Variants in WDR11 observed in about 807,000 individuals in gnomAD.
The protein encoded by WDR11 is WD repeat-containing protein 11.
WDR11 carries 83 observed loss-of-function variants against 151.2 expected under a neutral mutation model. The observed-to-expected ratio is 0.55, with a 90% CI of 0.46 to 0.66. The LOEUF is 0.66. Among genes scored for constraint, WDR11 ranks in the 30% least tolerant of loss-of-function variants. WDR11 has a pLI of 0.00. For synonymous variants in WDR11, 484 were observed against 533.1 expected (o/e 0.91, Z 1.27); for missense variants, 1,301 against 1,480.9 (o/e 0.88, Z 1.99).
At chr10:120,874,835 A>G (rs1026343202) in intron 11 of WDR11, among the ~76,000 whole-genome samples, 1 of 150,970 alleles carries the variant, frequency 6.6e-6, no homozygotes, top group African/African-American at 2.4e-5. Flanking sequence ...TCTGGGATAC[A>G]TGTGCAGAAT....
intron 13 of WDR11, among the ~76,000 whole-genome samples, chr10:120,881,913 A>G (rs1253040622): frequency 6.6e-6 from 1 of 151,074 alleles, no homozygotes; most frequent in Non-Finnish European, 1.5e-5. Flanking sequence ...ACGAGCTGAC[A>G]TCTTTGCTCT....
intron 1 of WDR11, chr10:120,852,196 A>G: frequency 2.9e-6 from 1 of 341,126 alleles, no homozygotes; most frequent in African/African-American, 2.1e-5. Flanking sequence ...CACATTGTGG[A>G]TACTAAGGAT....
chr10:120,904,738 C>T lies in WDR11; in HGVS notation c.3120C>T (p.Val1040=), dbSNP rs778608831. ...TGAAAGCCTGTTTAGTCACTACTGT[C>T]ACCTCGTCAGGCCCCTCTCAGAGCA... ...DSLKACLVTT[V]TSSGPSQSTI... is the part of the protein sequence containing the mutation. The change falls in exon 25 of 29, where the codon GTC becomes GTT. Residue 1040 remains valine, a synonymous_variant. Transcript: ENST00000263461. The T allele has an allele frequency of 3.1e-6, 5 of 1,614,162 alleles. No individual in the cohort carries two copies. In the African/African-American group the frequency reaches 4.0e-5, roughly 13 times the overall value.
Position 120,889,171 on chromosome 10 carries a change from G to A in WDR11, c.2215G>A (p.Gly739Ser), listed in dbSNP as rs1847330350. 1.2e-6 allele frequency: 2 copies of A among 1,607,070 alleles called. No individual in the cohort carries two copies. The highest frequency in any genetic ancestry group is 2.2e-5 in the East Asian group (1 of 44,832). ...DGNLNFWDLK[G>S]RVSRGIPTHR... ...AAATTTAAATTTCTGGGACTTGAAAGGCAGAGTATCCAGGTATAAGCCAAG... is the reference window on the plus strand; with the variant it reads ...AAATTTAAATTTCTGGGACTTGAAAAGCAGAGTATCCAGGTATAAGCCAAG... The change falls in exon 17 of 29, where the codon GGC becomes AGC. Residue 739 changes from glycine to serine, a missense_variant. Physicochemically the swap from Gly to Ser is moderately conservative, Grantham distance 56. Coordinates refer to ENST00000263461, the MANE Select transcript of WDR11 (RefSeq NM_018117.12).
rs1231386920 is a variant in WDR11 at position 120,851,401 on chromosome 10, G to A, written c.-20G>A. 9 of 1,602,638 alleles carry A rather than the reference G, an allele frequency of 5.6e-6. No homozygotes were observed. Among genetic ancestry groups the A allele is most frequent in the South Asian group, 3.4e-5 (3 of 88,868 alleles). The stretch of plus-strand genomic sequence containing the variant: ...TTCCTGGTTGCGGGTCAGCGCCCAG[G>A]TCCTGGGCTGGCCGCCGGGATGTTG... On this transcript the variant is annotated 5_prime_UTR_variant, in exon 1 of 29. Transcript: ENST00000263461.
intron 5 of WDR11, among the ~76,000 whole-genome samples, chr10:120,863,374 C>G (rs1247722766): frequency 1.3e-5 from 2 of 152,138 alleles, no homozygotes; most frequent in Admixed American, 6.5e-5. Context: ...GCCAAGGCTC[C>G]GGGGGAAGCT....
intron 13 of WDR11, among the ~76,000 whole-genome samples, chr10:120,882,760 C>T (rs1259127541): frequency 6.6e-6 from 1 of 151,856 alleles, no homozygotes; most frequent in African/African-American, 2.4e-5. Context: ...TGATCTTTTC[C>T]AAGAAACTAC....
At chr10:120,874,959 T>C (rs942508997) in intron 11 of WDR11, among the ~76,000 whole-genome samples, 8 of 151,878 alleles carry the variant, frequency 5.3e-5, no homozygotes, top group African/African-American at 1.7e-4. Flanking sequence ...ATGCTCTCCC[T>C]CCCCTTGCCC....
In WDR11 at chr10:120,890,793, T is replaced by G; in HGVS notation, c.2421T>G (p.Asp807Glu). ...TGGATGTGGACTGGTGTACGTCAGA[T>G]AAAGTGATCTTGGCCTCAGATGATG... ...RILDVDWCTSDKVILASDDGC... is the reference protein window; with the variant it reads ...RILDVDWCTSEKVILASDDGC... The change falls in exon 19 of 29, where the codon GAT (aspartate) becomes GAG (glutamate). Residue 807 changes from aspartate to glutamate, a missense_variant. By Grantham distance (45) the Asp-to-Glu change is conservative. Around this residue, in one of 3 missense-constraint regions of WDR11, gnomAD observed 589 missense variants for 670.6 expected, o/e 0.88. Coordinates refer to ENST00000263461, the MANE Select transcript of WDR11 (RefSeq NM_018117.12). 1 of 1,614,172 alleles carries G rather than the reference T, an allele frequency of 6.2e-7. No homozygotes were observed. The highest frequency in any genetic ancestry group is 8.5e-7 in the Non-Finnish European group (1 of 1,180,036).
At chr10:120,908,222 TTAAGTTTCTCCTC>T (rs1848142119) in intron 28 of WDR11, 6 of 341,370 alleles carry the variant, frequency 1.8e-5, no homozygotes, top group Non-Finnish European at 3.4e-5. Context: ...GATATGCAGG[TTAAGTTTCTCCTC>T]TCTTATCATT....
chr10:120,865,637 C>G lies in WDR11; in HGVS notation c.887C>G (p.Pro296Arg). Residue 296 changes from proline to arginine, a missense_variant, in exon 7 of 29, where the codon CCC becomes CGC. Around this residue, in one of 3 missense-constraint regions of WDR11, gnomAD observed 692 missense variants for 762.5 expected, o/e 0.91. Transcript: ENST00000263461. ...RTGVPFLQVI[P>R]CFQRDGLFCL... The stretch of plus-strand genomic sequence containing the variant: ...TATATCATCTATTTAAAGGTAATAC[C>G]CTGCTTTCAGCGTGATGGTTTATTT... 1 of 1,605,424 alleles carries G rather than the reference C, an allele frequency of 6.2e-7. No individual in the cohort carries two copies.
At position 120,877,167 on chromosome 10, in the gene WDR11, TACTTG is replaced by T. The variant is rs146630431; in HGVS notation, c.1557-1181_1557-1177del. On this transcript the variant is annotated intron_variant, in intron 11 of 28. Transcript: ENST00000263461. Reference sequence around the variant, plus strand: ...TAGTCAGGTTATAGATGTCACTAAATACTTGACTTATACATGTTAAGATAATATTT... The same window carrying T: ...TAGTCAGGTTATAGATGTCACTAAATACTTATACATGTTAAGATAATATTT... Among the ~76,000 whole-genome samples the T allele has an allele frequency of 2.9e-3, 437 of 152,330 alleles. 10 individuals are homozygous for T. In the East Asian group the frequency reaches 0.051, roughly 18 times the overall value.
At chr10:120,856,418 TACAAAAATTAGCCAGGCGTGGTGGTAC>T (rs1166911663) in intron 2 of WDR11, among the ~76,000 whole-genome samples, 1 of 151,786 alleles carries the variant, frequency 6.6e-6, no homozygotes, top group Non-Finnish European at 1.5e-5. Context: ...CTACTAAAAA[TACAAAAATTAGCCAGGCGTGGTGGTAC>T]ACACCTGTAA....
intron 19 of WDR11, among the ~76,000 whole-genome samples, chr10:120,894,975 T>C (rs541645764): frequency 6.6e-6 from 1 of 152,362 alleles, no homozygotes; most frequent in South Asian, 2.1e-4. Context: ...ATTGGGATGC[T>C]GTCAACAATA....
At chr10:120,902,222 CT>C (rs1315372267) in intron 21 of WDR11, 34 bp from the exon 22 acceptor site, 22 of 1,596,870 alleles carry the variant, frequency 1.4e-5, no homozygotes, top group Non-Finnish European at 1.9e-5. Context: ...TGATTGAAAA[CT>C]TTTGTCTCAC....
chr10:120,873,052 C>T (rs1045472480), intron 10 of WDR11, among the ~76,000 whole-genome samples: 83 of 152,182 alleles, frequency 5.5e-4, no homozygotes, highest in African/African-American at 2.0e-3. Context: ...CATGTATGTC[C>T]GTGTCCTTTA....
At chr10:120,885,107 T>C (rs759839013) in intron 14 of WDR11, 3 of 152,232 alleles carry the variant, frequency 2.0e-5, no homozygotes, top group Non-Finnish European at 4.4e-5. Context: ...GGATATTGAC[T>C]GGTGTGTTTT....
chr10:120,904,209 A>G (rs1847947867), intron 24 of WDR11, 67 bp downstream of exon 24: 4 of 1,193,286 alleles, frequency 3.4e-6, no homozygotes, highest in African/African-American at 1.5e-5. Context: ...TCAGAGCAAT[A>G]TATCTGTATG....
rs771206761 is a variant in WDR11, at chr10:120,901,141, G to A, written c.2687+43G>A. The A allele has an allele frequency of 1.5e-5, 22 of 1,484,814 alleles. No homozygotes were observed. In the South Asian group the frequency reaches 2.3e-4, roughly 16 times the overall value. 92.0% of individuals were successfully genotyped at this position (1,484,814 alleles called of 1,614,324 possible). ...CATTAGAAGATAGGAATATGAGAAA[G>A]AAAAATGCAATTCAACTTTAAATGC... is the stretch of plus-strand genomic sequence containing the variant. On this transcript the variant is annotated intron_variant, in intron 21 of 28. Coordinates refer to ENST00000263461, the MANE Select transcript of WDR11 (RefSeq NM_018117.12).
Sources: allele counts gnomAD v4.1 joint callset (sites outside exome capture counted in the v4.1 genomes callset), GRCh38; gene constraint gnomAD v4.1.1; regional missense constraint gnomAD v4.1.1; transcripts MANE v1.5; gene names NCBI Gene and HGNC (gene_info 2026-07-23, HGNC 2026-07-21).